LRP5: variants seen among roughly 807,000 people sequenced by gnomAD.
The protein encoded by LRP5 is LDL receptor related protein 5.
LRP5 carries 62 observed loss-of-function variants against 154.1 expected under a neutral mutation model. The observed-to-expected ratio is 0.40, with a 90% CI of 0.33 to 0.50. The LOEUF (loss-of-function observed/expected upper bound fraction) is 0.50. LRP5 is among the 20% of genes least tolerant of loss of function. LRP5 has a pLI of 0.55. For synonymous variants in LRP5, 966 were observed against 1,011.5 expected (o/e 0.96, Z 0.85); for missense variants, 1,915 against 2,336.7 (o/e 0.82, Z 3.72).
At chr11:68,352,136 C>T (rs551850300) in intron 2 of LRP5, among the ~76,000 whole-genome samples, 3 of 152,158 alleles carry the variant, frequency 2.0e-5, no homozygotes, top group Non-Finnish European at 4.4e-5. Flanking sequence ...CAGGAGCCCT[C>T]TCCACGGTTA....
At chr11:68,305,099 C>G in the LRP5 span, among the ~76,000 whole-genome samples, 1 of 151,968 alleles carries the variant, frequency 6.6e-6, no homozygotes, top group African/African-American at 2.4e-5. Flanking sequence ...ATTTGTCCCC[C>G]CAAACCTCAT....
In LRP5 at chr11:68,439,699, A is replaced by G. The variant is rs2098677044; in HGVS notation, c.4349-78A>G. ...TGAGTCTCGTGGGTAGTGGGAGCAG[A>G]GGAGAGCGCCCTATGTCTGTGGGGC... is the stretch of plus-strand genomic sequence containing the variant. On this transcript the variant is annotated intron_variant, in intron 20 of 22. Transcript: ENST00000294304. 28 of 1,473,570 alleles carry G rather than the reference A, an allele frequency of 1.9e-5. No individual in the cohort carries two copies. In the East Asian group the frequency reaches 6.4e-4, roughly 34 times the overall value. The allele number at this position is 1,473,570 out of a possible 1,614,324, so 91.3% of individuals were successfully genotyped here. A position where few individuals can be genotyped will look rare whatever the true frequency, so the allele number is the denominator to read the frequency against.
chr11:68,358,564 A>T (rs1465929456), intron 3 of LRP5, among the ~76,000 whole-genome samples: 1 of 152,104 alleles, frequency 6.6e-6, no homozygotes, highest in African/African-American at 2.4e-5. Flanking sequence ...CCCTGGCCCT[A>T]TCCCAGCTCA....
chr11:68,425,396 C>T (rs780149283), intron 15 of LRP5, 104 bp downstream of exon 15: 30 of 1,201,474 alleles, frequency 2.5e-5, no homozygotes, highest in Non-Finnish European at 3.2e-5. Flanking sequence ...CCCAGTGCCG[C>T]GCCAGGGGCT....
chr11:68,378,427 G>A (rs565510648), intron 5 of LRP5, among the ~76,000 whole-genome samples: 6 of 151,964 alleles, frequency 3.9e-5, no homozygotes, highest in Non-Finnish European at 8.8e-5. Context: ...TGAGCCGTCG[G>A]TACCCACACC....
intron 1 of LRP5, among the ~76,000 whole-genome samples, chr11:68,330,586 C>G (rs910850196): frequency 1.3e-5 from 2 of 152,270 alleles, no homozygotes; most frequent in Non-Finnish European, 2.9e-5. Context: ...TGGGGTCATT[C>G]TCATTCTGCA....
intron 5 of LRP5, among the ~76,000 whole-genome samples, chr11:68,369,721 G>A (rs969528444): frequency 1.3e-5 from 2 of 152,152 alleles, no homozygotes; most frequent in Non-Finnish European, 2.9e-5. Flanking sequence ...GGGTCCCTGT[G>A]TGGCTCCCTC....
chr11:68,368,957 C>A (rs1475967018), intron 5 of LRP5, among the ~76,000 whole-genome samples: 1 of 151,740 alleles, frequency 6.6e-6, no homozygotes, highest in Non-Finnish European at 1.5e-5. Flanking sequence ...CCTGCCTCAG[C>A]CTCCCAAGCA....
At chr11:68,444,391 C>T (rs1565123249) in intron 21 of LRP5, among the ~76,000 whole-genome samples, 1 of 152,152 alleles carries the variant, frequency 6.6e-6, no homozygotes, top group South Asian at 2.1e-4. Context: ...GTGGCGCATG[C>T]CTGTAATCCC....
intron 18 of LRP5, among the ~76,000 whole-genome samples, chr11:68,435,069 A>T (rs1254695110): frequency 6.6e-6 from 1 of 152,204 alleles, no homozygotes; most frequent in East Asian, 1.9e-4. Context: ...ATGCCCATTC[A>T]TTCATTTGCA....
At chr11:68,390,136 G>A (rs528481570) in intron 7 of LRP5, 84 bp downstream of exon 7, 246 of 1,482,200 alleles carry the variant, frequency 1.7e-4, no homozygotes, top group Non-Finnish European at 2.1e-4. Flanking sequence ...GCGAGGCACC[G>A]ATGGGTGCCT....
Position 68,386,665 on chromosome 11 carries a change from G to C in LRP5, c.1365G>C (p.Ser455=). ...LNGTSRKILV[S]EDLDEPRAIA... ...GCACCTCCCGCAAGATCCTGGTGTC[G>C]GAGGACCTGGACGAGCCCCGAGCCA... is the stretch of plus-strand genomic sequence containing the variant. The change falls in exon 6 of 23, where the codon TCG becomes TCC. Residue 455 remains serine, a synonymous_variant. Coordinates refer to ENST00000294304, the MANE Select transcript of LRP5 (RefSeq NM_002335.4). This position sits in a 1 kb window ranked among gnomAD's most constrained non-coding sequence, Gnocchi z 7.9. 6.2e-7 allele frequency: 1 copy of C among 1,613,476 alleles called. No individual in the cohort carries two copies. Among genetic ancestry groups the C allele is most frequent in the Non-Finnish European group, 8.5e-7 (1 of 1,179,936 alleles).
At chr11:68,373,314 G>A (rs624947) in intron 5 of LRP5, among the ~76,000 whole-genome samples, 90,759 of 152,104 alleles carry the variant, frequency 0.6, 29,225 homozygotes, top group South Asian at 0.86. Flanking sequence ...TGGTCACACC[G>A]GGACCCCAAG....
At chr11:68,405,893 G>A (rs1189560695) in intron 8 of LRP5, among the ~76,000 whole-genome samples, 1 of 152,230 alleles carries the variant, frequency 6.6e-6, no homozygotes, top group Non-Finnish European at 1.5e-5. Context: ...AGGAGCCAAG[G>A]CCCTGAGGGG....
chr11:68,419,401 T>G (rs1315302996), intron 13 of LRP5, among the ~76,000 whole-genome samples: 1 of 151,570 alleles, frequency 6.6e-6, no homozygotes, highest in Non-Finnish European at 1.5e-5. Context: ...TCTGGCTGAT[T>G]TTTTGTATTT....
At chr11:68,395,695 A>G (rs1190235934) in intron 7 of LRP5, among the ~76,000 whole-genome samples, 2 of 151,934 alleles carry the variant, frequency 1.3e-5, no homozygotes, top group Non-Finnish European at 2.9e-5. Context: ...GTGCAGGTGG[A>G]TGCCCAGACC....
chr11:68,411,802 CT>C (rs1429918493), intron 11 of LRP5, among the ~76,000 whole-genome samples, 182 bp downstream of exon 11: 2 of 152,234 alleles, frequency 1.3e-5, no homozygotes, highest in Non-Finnish European at 1.5e-5. Context: ...CCGTCCACCC[CT>C]GGGTGCCTTT....
chr11:68,347,487 T>C (rs2153129061), intron 1 of LRP5, among the ~76,000 whole-genome samples: 1 of 152,322 alleles, frequency 6.6e-6, no homozygotes, highest in East Asian at 1.9e-4. Flanking sequence ...GGGATGTGGC[T>C]TCTCTGCAGA....
intron 8 of LRP5, among the ~76,000 whole-genome samples, chr11:68,404,852 C>G (rs1001911042): frequency 1.1e-4 from 17 of 151,712 alleles, no homozygotes; most frequent in Non-Finnish European, 2.9e-5. Context: ...CGCCTGTAGT[C>G]CCAGCTACTC....
Sources: gnomAD v4.1 joint callset for allele counts (sites outside exome capture counted in the v4.1 genomes callset) on GRCh38, gnomAD v4.1.1 for gene constraint, Gnocchi (gnomAD v3.1) non-coding constraint, MANE v1.5 for transcripts, NCBI Gene and HGNC (gene_info 2026-07-23, HGNC 2026-07-21) for gene names.